The following LTBP2 variants were observed in gnomAD, a reference collection of about 807,000 sequenced individuals.
LTBP2 encodes the protein latent transforming growth factor beta binding protein 2.
In LTBP2, 103 loss-of-function variants were observed where a neutral mutation model predicts 210.6. That is an observed-to-expected ratio of 0.49 (90% CI 0.42 to 0.58). The LOEUF is 0.58. Ranked by LOEUF, LTBP2 falls within the 20% of genes least tolerant of loss-of-function variation. The probability of loss-of-function intolerance (pLI) is 0.00; values close to 1 mark genes in which losing one functional copy is unlikely to be tolerated. For missense variants in LTBP2, 2,313 were observed against 2,494.5 expected, an observed-to-expected ratio of 0.93 and a Z score of 1.55; for synonymous variants, 1,007 against 1,015.0, an observed-to-expected ratio of 0.99 and a Z score of 0.15.
At chr14:74,505,902 C>G in intron 28 of LTBP2, 146 bp downstream of exon 28, 1 of 1,143,226 alleles carries the variant, frequency 8.7e-7, no homozygotes, top group South Asian at 1.4e-5. Flanking sequence ...CCTCCATGCA[C>G]CAGGCCCCGC....
chr14:74,553,061 C>T lies in LTBP2; in HGVS notation c.1023G>A (p.Gly341=). 6.2e-7 allele frequency: 1 copy of T among 1,614,076 alleles called. No homozygotes were observed. The highest frequency in any genetic ancestry group is 8.5e-7 in the Non-Finnish European group (1 of 1,179,992). The change falls in exon 5 of 36, where the codon GGG becomes GGA. Residue 341 remains glycine, a splice_region_variant and synonymous_variant. Transcript: ENST00000261978. ...VPLEHPSSPW[G]LNLTEKIKKI... is the part of the protein sequence containing the mutation. Reference sequence around the variant, plus strand: ...TCTTGATTTTCTCCGTGAGGTTCAGCCCTGCAGAGAGAGGGCTTGGGTCCA... The same window carrying T: ...TCTTGATTTTCTCCGTGAGGTTCAGTCCTGCAGAGAGAGGGCTTGGGTCCA...
chr14:74,598,842 C>A (rs1012240982), intron 2 of LTBP2, among the ~76,000 whole-genome samples: 1 of 152,198 alleles, frequency 6.6e-6, no homozygotes, highest in Non-Finnish European at 1.5e-5. Context: ...AGGCTGTCTA[C>A]ACACATTTAC....
At position 74,511,325 on chromosome 14, in the gene LTBP2, C is replaced by T. The variant is rs1459331334; in HGVS notation, c.2948G>A (p.Gly983Glu). The change falls in exon 19 of 36, where the codon GGG becomes GAG. Residue 983 changes from glycine to glutamate, a missense_variant. By Grantham distance (98) the Gly-to-Glu change is moderately conservative. Around this residue, in one of 3 missense-constraint regions of LTBP2, gnomAD observed 1,867 missense variants for 1,976.9 expected, o/e 0.94. Coordinates refer to ENST00000261978, the MANE Select transcript of LTBP2 (RefSeq NM_000428.3). ...GGAGCCAGGGGAATTGACGCATCTC[C>T]CATCAGGGCAGGTACCGGGGTGACG... ...ECRHPGTCPD[G>E]RCVNSPGSYT... 1 of 1,614,016 alleles carries T rather than the reference C, an allele frequency of 6.2e-7. No homozygotes were observed. Among genetic ancestry groups the T allele is most frequent in the Non-Finnish European group, 8.5e-7 (1 of 1,180,030 alleles).
chr14:74,587,462 C>T (rs979228353), intron 2 of LTBP2, among the ~76,000 whole-genome samples: 4 of 151,638 alleles, frequency 2.6e-5, no homozygotes, highest in Non-Finnish European at 5.9e-5. Flanking sequence ...GCCAGGGCAC[C>T]TCTCTGAAGA....
At position 74,503,568 on chromosome 14, in the gene LTBP2, C is replaced by T. The variant is rs143456909; in HGVS notation, c.4621G>A (p.Glu1541Lys). 3.2e-4 allele frequency: 524 copies of T among 1,613,866 alleles called. 2 individuals are homozygous for T. The African/African-American group carries it at 6.2e-3, about 19-fold the overall frequency. The change falls in exon 32 of 36, where the codon GAG becomes AAG. Residue 1541 changes from glutamate (E) to lysine (K), a missense_variant. Around this residue, in one of 3 missense-constraint regions of LTBP2, gnomAD observed 443 missense variants for 501.4 expected, o/e 0.88. Transcript: ENST00000261978. ...ECQDLACENG[E>K]CVNTEGSFHC... ...AAGGAGCCCTCCGTGTTGACGCACT[C>T]GCCATTCTCACAGGCCAGGTCCTGG...
intron 35 of LTBP2, 58 bp downstream of exon 35, chr14:74,501,383 C>G (rs2139684840): frequency 6.2e-7 from 1 of 1,612,974 alleles, no homozygotes; most frequent in East Asian, 2.2e-5. Context: ...TTCCTGAGTT[C>G]AGGCGTCTCT....
At chr14:74,540,329 C>T (rs753902984) in intron 8 of LTBP2, among the ~76,000 whole-genome samples, 6 of 151,866 alleles carry the variant, frequency 4.0e-5, no homozygotes, top group African/African-American at 9.7e-5. Flanking sequence ...AAAAAGTCAG[C>T]GGGCGTGGTG....
At chr14:74,505,504 A>C (rs905015591) in intron 28 of LTBP2, among the ~76,000 whole-genome samples, 3 of 152,132 alleles carry the variant, frequency 2.0e-5, no homozygotes, top group African/African-American at 7.2e-5. Context: ...GGCTGCCCCC[A>C]GTGCCTGGCA....
intron 3 of LTBP2, among the ~76,000 whole-genome samples, chr14:74,583,960 C>CA (rs2088171048): frequency 6.6e-6 from 1 of 152,140 alleles, no homozygotes; most frequent in African/African-American, 2.4e-5. Context: ...CTGAGCAACA[C>CA]ATGGGGTGGT....
chr14:74,507,199 G>A lies in LTBP2; in HGVS notation c.3887C>T (p.Ala1296Val), dbSNP rs1380122474. 33 of 1,614,150 alleles carry A rather than the reference G, an allele frequency of 2.0e-5. No homozygotes were observed. The highest frequency in any genetic ancestry group is 1.6e-4 in the Middle Eastern group (1 of 6,062). ...VLGCQPGFHM[A>V]PNGDCIDIDE... ...CTCACCAATGCAGTCTCCGTTCGGG[G>A]CCATGTGGAAGCCAGGCTGGCAGCC... Residue 1296 changes from alanine to valine, a missense_variant, in exon 26 of 36, where the codon GCC becomes GTC. Around this residue, in one of 3 missense-constraint regions of LTBP2, gnomAD observed 1,867 missense variants for 1,976.9 expected, o/e 0.94. Coordinates refer to ENST00000261978, the MANE Select transcript of LTBP2 (RefSeq NM_000428.3).
rs116039082 is a variant in LTBP2 at position 74,600,895 on chromosome 14, C to T, written c.565+2740G>A. ...GGAGCTGGTTAGAACATAGAATATC[C>T]GCCCCACCCCAGATCTGCTGAATCA... On this transcript the variant is annotated intron_variant, in intron 2 of 35. Coordinates refer to ENST00000261978, the MANE Select transcript of LTBP2 (RefSeq NM_000428.3). Among the ~76,000 whole-genome samples, 991 of 152,254 alleles carry T rather than the reference C, an allele frequency of 6.5e-3. 6 individuals carry two copies. Among genetic ancestry groups the T allele is most frequent in the Middle Eastern group, 0.02 (6 of 294 alleles).
chr14:74,502,883 G>A lies in LTBP2; in HGVS notation c.4940C>T (p.Ala1647Val). 1.2e-6 allele frequency: 2 copies of A among 1,613,426 alleles called. No homozygotes were observed. The highest frequency in any genetic ancestry group is 8.5e-7 in the Non-Finnish European group (1 of 1,180,016). Residue 1647 changes from alanine (A) to valine (V), a missense_variant, in exon 34 of 36, where the codon GCC becomes GTC. Transcript: ENST00000261978. ...NVARIEAERE[A>V]GVHFRPGYEY... The stretch of plus-strand genomic sequence containing the variant: ...ATAGCCTGGCCGGAAGTGGACCCCG[G>A]CCTCCCGCTCTGCCTCAATGCGAGC...
At position 74,611,627 on chromosome 14, in the gene LTBP2, C is replaced by T. The variant is rs1464418791; in HGVS notation, c.318G>A (p.Pro106=). ...CACGCCGCGACTGCTGCGCGCGGGA[C>T]GGCCTCCTGGCCTCCGCCTCGGTGG... ...RRPTEAEARR[P]SRAQQSRRVQ... is the part of the protein sequence containing the mutation. The change falls in exon 1 of 36, where the codon CCG becomes CCA. Residue 106 remains proline, a synonymous_variant. Transcript: ENST00000261978. 4 of 1,559,132 alleles carry T rather than the reference C, an allele frequency of 2.6e-6. No homozygotes were observed. Among genetic ancestry groups the T allele is most frequent in the Non-Finnish European group, 3.5e-6 (4 of 1,158,210 alleles).
At chr14:74,578,411 A>G (rs1348881952) in intron 3 of LTBP2, among the ~76,000 whole-genome samples, 1 of 152,208 alleles carries the variant, frequency 6.6e-6, no homozygotes, top group Non-Finnish European at 1.5e-5. Context: ...ATTGAGTTTC[A>G]GGGAGGTAAA....
intron 34 of LTBP2, chr14:74,502,102 G>A (rs565092566): frequency 1.4e-5 from 4 of 283,786 alleles, no homozygotes; most frequent in Admixed American, 4.9e-5. Context: ...CCTACCCAGA[G>A]GTATGGTTTT....
intron 4 of LTBP2, among the ~76,000 whole-genome samples, chr14:74,554,887 G>A (rs186442230): frequency 1.8e-4 from 27 of 152,226 alleles, no homozygotes; most frequent in Admixed American, 5.2e-4. Flanking sequence ...ACAGGGTAGT[G>A]GTGGGTGTGA....
At chr14:74,580,057 G>A (rs1455489986) in intron 3 of LTBP2, among the ~76,000 whole-genome samples, 2 of 152,122 alleles carry the variant, frequency 1.3e-5, no homozygotes, top group Non-Finnish European at 2.9e-5. Context: ...GCTTTCTTGG[G>A]GTAAGAAGAA....
chr14:74,562,398 T>C (rs1348649074), intron 3 of LTBP2, among the ~76,000 whole-genome samples: 3 of 152,178 alleles, frequency 2.0e-5, no homozygotes, highest in African/African-American at 7.2e-5. Context: ...CTAAGTGTTT[T>C]AGCTAATATA....
At chr14:74,571,775 G>A (rs1353583867) in intron 3 of LTBP2, among the ~76,000 whole-genome samples, 2 of 152,196 alleles carry the variant, frequency 1.3e-5, no homozygotes, top group Admixed American at 6.5e-5. Flanking sequence ...ATGTTACATC[G>A]TGGGCAGGGC....
Sources: allele counts gnomAD v4.1 joint callset (sites outside exome capture counted in the v4.1 genomes callset), GRCh38; gene constraint gnomAD v4.1.1; regional missense constraint gnomAD v4.1.1; transcripts MANE v1.5; gene names NCBI Gene and HGNC (gene_info 2026-07-23, HGNC 2026-07-21).